Variants in ANKRD29 observed in about 807,000 individuals in gnomAD.
ANKRD29 encodes ankyrin repeat domain-containing protein 29.
Under a neutral mutation model 38.0 loss-of-function variants are expected in ANKRD29, and 32 were observed. The ratio of observed to expected loss-of-function variants is 0.84; its 90% CI spans 0.64 to 1.13. The LOEUF (loss-of-function observed/expected upper bound fraction) is 1.13, where lower values mean the gene tolerates loss of function less well. Among genes scored for constraint, ANKRD29 ranks in the 50% most tolerant of loss-of-function variants. The probability of loss-of-function intolerance (pLI) is 0.00; values close to 1 mark genes in which losing one functional copy is unlikely to be tolerated. For missense variants in ANKRD29, 357 were observed against 377.9 expected (o/e 0.94, Z 0.46); for synonymous variants, 135 against 152.4 (o/e 0.89, Z 0.84).
chr18:23,646,260 C>G lies in ANKRD29; in HGVS notation c.160G>C (p.Ala54Pro), dbSNP rs1278413961. ...ACACAGTCTATGTGGCCAGCGTAGG[C>G]AGCAACCATCAGGAGTGTGGTGCCA... ...SHGTTLLMVA[A>P]YAGHIDCVRE... Residue 54 changes from alanine (A) to proline (P), a missense_variant, in exon 3 of 10, where the codon GCC (alanine) becomes CCC (proline). Transcript: ENST00000592179. 1 of 1,613,998 alleles carries G rather than the reference C, an allele frequency of 6.2e-7. No individual in the cohort carries two copies. The highest frequency in any genetic ancestry group is 1.7e-5 in the Admixed American group (1 of 60,006).
chr18:23,609,290 A>G (rs976555701), intron 9 of ANKRD29: 1 of 151,936 alleles, frequency 6.6e-6, no homozygotes, highest in Non-Finnish European at 1.5e-5. Flanking sequence ...CTGCCATCGC[A>G]CCTAGAAACA....
At chr18:23,630,380 C>A (rs1049083765) in intron 5 of ANKRD29, among the ~76,000 whole-genome samples, 1 of 152,088 alleles carries the variant, frequency 6.6e-6, no homozygotes, top group Non-Finnish European at 1.5e-5. Context: ...GAGCTGAGAT[C>A]GCGCCACTTC....
At chr18:23,641,121 G>A (rs2060068435) in intron 3 of ANKRD29, among the ~76,000 whole-genome samples, 1 of 152,158 alleles carries the variant, frequency 6.6e-6, no homozygotes, top group South Asian at 2.1e-4. Context: ...ACTTCTCACT[G>A]ATGGCAGTGG....
chr18:23,619,838 C>T, intron 6 of ANKRD29: 1 of 494,690 alleles, frequency 2.0e-6, no homozygotes. Flanking sequence ...CGGCACGTGG[C>T]TGAGCCTGGG....
chr18:23,635,202 G>A (rs2059987051), intron 4 of ANKRD29, among the ~76,000 whole-genome samples: 2 of 151,778 alleles, frequency 1.3e-5, no homozygotes, highest in Admixed American at 6.6e-5. Context: ...CCAGGAAGTG[G>A]AGGCTGCAGT....
chr18:23,662,699 C>T lies in ANKRD29; in HGVS notation c.21+11G>A. ...GGCCCCAGCCCTGACCCCGGAGTCCCGGTCGCTCACCTTGAAGGACATCCT... is the reference window on the plus strand; with the variant it reads ...GGCCCCAGCCCTGACCCCGGAGTCCTGGTCGCTCACCTTGAAGGACATCCT... On this transcript the variant is annotated intron_variant, in intron 1 of 9. Coordinates refer to ENST00000592179, the MANE Select transcript of ANKRD29 (RefSeq NM_173505.4). The T allele has an allele frequency of 1.4e-6, 2 of 1,473,166 alleles. No homozygotes were observed. Among genetic ancestry groups the T allele is most frequent in the South Asian group, 1.3e-5 (1 of 77,910 alleles). The allele number at this position is 1,473,166 out of a possible 1,614,324, so 91.3% of individuals were successfully genotyped here.
chr18:23,607,351 G>C (rs911189249), intron 9 of ANKRD29, among the ~76,000 whole-genome samples: 2 of 152,112 alleles, frequency 1.3e-5, no homozygotes, highest in African/African-American at 4.8e-5. Flanking sequence ...CTGGTAAACA[G>C]ACCTAAGCTT....
intron 1 of ANKRD29, among the ~76,000 whole-genome samples, chr18:23,655,447 A>AT (rs976106944): frequency 2.6e-5 from 4 of 151,912 alleles, no homozygotes; most frequent in African/African-American, 7.2e-5. Flanking sequence ...CTTTTTTTTA[A>AT]TTTTTTTTAT....
At chr18:23,629,140 G>A (rs1438198246) in intron 6 of ANKRD29, among the ~76,000 whole-genome samples, 6 of 152,070 alleles carry the variant, frequency 3.9e-5, no homozygotes, top group Non-Finnish European at 7.4e-5. Flanking sequence ...ATGCGCCACC[G>A]CGCCTGGCTA....
At position 23,598,957 on chromosome 18, in the gene ANKRD29, TTA is replaced by T. The variant is rs2059482941; in HGVS notation, c.*2267_*2268del. ...AGTATATTAACTTTATTTTGAATTATTATATAACATGGAATATGTCATCAAAG... is the reference window on the plus strand; with the variant it reads ...AGTATATTAACTTTATTTTGAATTATTATAACATGGAATATGTCATCAAAG... On this transcript the variant is annotated 3_prime_UTR_variant, in exon 10 of 10. Coordinates refer to ENST00000592179, the MANE Select transcript of ANKRD29 (RefSeq NM_173505.4). 1 of 152,196 alleles carries T rather than the reference TTA, an allele frequency of 6.6e-6. No homozygotes were observed. The highest frequency in any genetic ancestry group is 1.5e-5 in the Non-Finnish European group (1 of 68,034). 9.4% of individuals were successfully genotyped at this position (152,196 alleles called of 1,614,324 possible).
chr18:23,635,817 T>A (rs2059995307), intron 4 of ANKRD29, among the ~76,000 whole-genome samples: 2 of 152,180 alleles, frequency 1.3e-5, no homozygotes, highest in South Asian at 4.2e-4. Flanking sequence ...AGGTCTCGAA[T>A]TCGTAGGCAG....
chr18:23,619,582 C>A lies in ANKRD29; in HGVS notation c.576G>T (p.Glu192Asp). ...CGCGCAGCAGCATCACCCGCACCAC[C>A]TCGCTGTGGCCCATCTGGGACGCGA... ...LWIASQMGHS[E>D]VVRVMLLRGA... Residue 192 changes from glutamate (E) to aspartate (D), a missense_variant, in exon 7 of 10, where the codon GAG (glutamate) becomes GAT (aspartate). By Grantham distance (45) the Glu-to-Asp change is conservative (BLOSUM62 2). Transcript: ENST00000592179. 2 of 1,597,712 alleles carry A rather than the reference C, an allele frequency of 1.3e-6. No individual in the cohort carries two copies. The highest frequency in any genetic ancestry group is 8.5e-7 in the Non-Finnish European group (1 of 1,179,074).
chr18:23,605,858 A>G (rs2059569322), intron 9 of ANKRD29, among the ~76,000 whole-genome samples: 1 of 152,150 alleles, frequency 6.6e-6, no homozygotes, highest in Admixed American at 6.5e-5. Context: ...GATGTATAGG[A>G]AGAGCCAAAA....
intron 1 of ANKRD29, among the ~76,000 whole-genome samples, chr18:23,661,225 C>T (rs2145746992): frequency 6.6e-6 from 1 of 152,320 alleles, no homozygotes; most frequent in East Asian, 1.9e-4. Context: ...TGGGTGCCTA[C>T]TTAACACTGC....
chr18:23,658,696 G>A lies in ANKRD29; in HGVS notation c.21+4014C>T, dbSNP rs1016561719. On this transcript the variant is annotated intron_variant, in intron 1 of 9. Coordinates refer to ENST00000592179, the MANE Select transcript of ANKRD29 (RefSeq NM_173505.4). ...ATGTGTTCAAGTCCTAATGCCCAGT[G>A]TAATGATTTTAGGAGGAGCAGTCTT... Among the ~76,000 whole-genome samples, 4 of 152,216 alleles carry A rather than the reference G, an allele frequency of 2.6e-5. No individual in the cohort carries two copies. The East Asian group carries it at 7.7e-4, about 29-fold the overall frequency.
In ANKRD29 at chr18:23,601,130, T is replaced by G; in HGVS notation, c.*96A>C. On this transcript the variant is annotated 3_prime_UTR_variant, in exon 10 of 10. Transcript: ENST00000592179. ...AGGATGGGCATTCTGGGCATCTTTT[T>G]TTTTCATAAAAGAATTTCCAACACT... The G allele has an allele frequency of 5.2e-6, 6 of 1,150,136 alleles. No individual in the cohort carries two copies. Among genetic ancestry groups the G allele is most frequent in the Non-Finnish European group, 7.5e-6 (6 of 797,664 alleles). 71.2% of individuals were successfully genotyped at this position (1,150,136 alleles called of 1,614,324 possible).
intron 4 of ANKRD29, among the ~76,000 whole-genome samples, chr18:23,635,210 A>C (rs1284306183): frequency 1.3e-5 from 2 of 151,836 alleles, no homozygotes; most frequent in Non-Finnish European, 2.9e-5. Flanking sequence ...TGGAGGCTGC[A>C]GTGAGCCAAG....
chr18:23,662,775 G>A lies in ANKRD29; in HGVS notation c.-45C>T, dbSNP rs1255199653. The stretch of plus-strand genomic sequence containing the variant: ...GGAGCCGGCGCGCTTTGGGCCCGGG[G>A]CGCCTTGTCCTCCCCGGCCCTTCAC... On this transcript the variant is annotated 5_prime_UTR_variant, in exon 1 of 10. Coordinates refer to ENST00000592179, the MANE Select transcript of ANKRD29 (RefSeq NM_173505.4). 2.8e-6 allele frequency: 4 copies of A among 1,444,238 alleles called. No homozygotes were observed. The highest frequency in any genetic ancestry group is 1.3e-5 in the South Asian group (1 of 74,434). The allele number at this position is 1,444,238 out of a possible 1,614,324, so 89.5% of individuals were successfully genotyped here.
intron 8 of ANKRD29, among the ~76,000 whole-genome samples, chr18:23,612,440 T>A (rs1376261732): frequency 1.3e-5 from 2 of 152,262 alleles, no homozygotes; most frequent in African/African-American, 4.8e-5. Context: ...AGGGGACACA[T>A]GACTTCATGG....
Sources: allele counts gnomAD v4.1 joint callset (sites outside exome capture counted in the v4.1 genomes callset), GRCh38; gene constraint gnomAD v4.1.1; transcripts MANE v1.5; gene names NCBI Gene and HGNC (gene_info 2026-07-23, HGNC 2026-07-21).